FCF1: variants seen among roughly 807,000 people sequenced by gnomAD.
FCF1 encodes FCF1 rRNA-processing protein.
FCF1 carries 17 observed loss-of-function variants against 32.5 expected under a neutral mutation model. The observed-to-expected ratio is 0.52, with a 90% CI of 0.36 to 0.78. The LOEUF is 0.78. FCF1 is among the 30% of genes least tolerant of loss of function. The probability of loss-of-function intolerance (pLI) is 0.00; values close to 1 mark genes in which losing one functional copy is unlikely to be tolerated. For missense variants in FCF1, 201 were observed against 241.1 expected (o/e 0.83, Z 1.10); for synonymous variants, 84 against 78.4 (o/e 1.07, Z -0.38).
In FCF1 at chr14:74,735,968, C is replaced by T. The variant is rs2090702658; in HGVS notation, c.*1038C>T. ...CCAGGCTGGAGTGCAGTGGCGCAAT[C>T]TCGGCTCATTGCAACCTCCGCCTCC... On this transcript the variant is annotated 3_prime_UTR_variant, in exon 8 of 8. Transcript: ENST00000341162. The T allele has an allele frequency of 6.5e-6, 1 of 153,266 alleles. No homozygotes were observed. The highest frequency in any genetic ancestry group is 2.4e-5 in the African/African-American group (1 of 41,344). The allele number at this position is 153,266 out of a possible 1,614,324, so 9.5% of individuals were successfully genotyped here.
At chr14:74,715,841 G>T in intron 3 of FCF1, 110 bp from the exon 4 acceptor site, 1 of 1,607,690 alleles carries the variant, frequency 6.2e-7, no homozygotes, top group South Asian at 1.1e-5. Flanking sequence ...CAATGAACAT[G>T]GACAAAAGAG....
At chr14:74,729,857 T>TTTGA (rs2090611905) in intron 5 of FCF1, among the ~76,000 whole-genome samples, 2 of 152,218 alleles carry the variant, frequency 1.3e-5, no homozygotes, top group African/African-American at 4.8e-5. Context: ...CATTTCGTTA[T>TTTGA]GTACCCAGTA....
intron 4 of FCF1, 45 bp downstream of exon 4, chr14:74,716,144 ATTATAT>A (rs753898839): frequency 6.4e-7 from 1 of 1,570,228 alleles, no homozygotes; most frequent in Non-Finnish European, 8.8e-7. Context: ...GTTCAGAATA[ATTATAT>A]TTATACAAAT....
rs1482226150 is a variant in FCF1 at position 74,737,689 on chromosome 14, G to A, written c.*2759G>A. 1 of 151,776 alleles carries A rather than the reference G, an allele frequency of 6.6e-6. No homozygotes were observed. The highest frequency in any genetic ancestry group is 2.4e-5 in the African/African-American group (1 of 41,344). The allele number at this position is 151,776 out of a possible 1,614,324, so 9.4% of individuals were successfully genotyped here. On this transcript the variant is annotated 3_prime_UTR_variant, in exon 8 of 8. Transcript: ENST00000341162. ...ACAATGGCAAGGTGGCTATCCATTT[G>A]AAAAAAAATTAGGCCGGGCGTGGTG...
At chr14:74,715,624 T>C (rs1214229334) in intron 3 of FCF1, 1 of 391,218 alleles carries the variant, frequency 2.6e-6, no homozygotes, top group Admixed American at 3.9e-5. Flanking sequence ...GTTGTATCAT[T>C]CTAATCACGA....
chr14:74,715,149 G>A (rs1234021221), intron 3 of FCF1, among the ~76,000 whole-genome samples: 1 of 152,080 alleles, frequency 6.6e-6, no homozygotes, highest in Admixed American at 6.6e-5. Context: ...CTAAAATCCT[G>A]GAGATATTAT....
chr14:74,714,756 A>G (rs888745309), intron 2 of FCF1, 116 bp from the exon 3 acceptor site: 3 of 1,355,722 alleles, frequency 2.2e-6, no homozygotes, highest in Non-Finnish European at 3.0e-6. Context: ...GGATATCACA[A>G]AGTAGGATTT....
At chr14:74,724,583 A>G (rs1304941278) in intron 5 of FCF1, among the ~76,000 whole-genome samples, 2 of 151,940 alleles carry the variant, frequency 1.3e-5, no homozygotes, top group Non-Finnish European at 2.9e-5. Context: ...ACCACACCCA[A>G]CCCCCGAGTA....
rs756280862 is a variant in FCF1 at position 74,734,222 on chromosome 14, T to G, written c.548+52T>G. The G allele has an allele frequency of 3.8e-6, 4 of 1,039,708 alleles. No individual in the cohort carries two copies. The Admixed American group carries it at 7.2e-5, about 19-fold the overall frequency. 64.4% of individuals were successfully genotyped at this position (1,039,708 alleles called of 1,614,324 possible). Reference sequence around the variant, plus strand: ...ATAGAAATATATAATTGATATCAATTGAAAATGAGGATAAGTGATAAGGTT... The same window carrying G: ...ATAGAAATATATAATTGATATCAATGGAAAATGAGGATAAGTGATAAGGTT... On this transcript the variant is annotated intron_variant, in intron 7 of 7. Coordinates refer to ENST00000341162, the MANE Select transcript of FCF1 (RefSeq NM_015962.5).
intron 4 of FCF1, among the ~76,000 whole-genome samples, chr14:74,721,470 G>A (rs2090502597): frequency 6.6e-6 from 1 of 152,150 alleles, no homozygotes; most frequent in Non-Finnish European, 1.5e-5. Flanking sequence ...GGAGTTCGAG[G>A]CAGGTGGATT....
chr14:74,718,394 C>G (rs2090450690), intron 4 of FCF1, among the ~76,000 whole-genome samples: 1 of 152,106 alleles, frequency 6.6e-6, no homozygotes, highest in Non-Finnish European at 1.5e-5. Flanking sequence ...AGTTGCAAGC[C>G]TTTGCTCACT....
In FCF1 at chr14:74,735,137, T is replaced by TG; in HGVS notation, c.*208dup. ...GAGTTAAGTTACCTTTTAAGCATTT[T>TG]GTGGGGCCGCGGGGGTTGGGGGGAA... On this transcript the variant is annotated 3_prime_UTR_variant, in exon 8 of 8. Coordinates refer to ENST00000341162, the MANE Select transcript of FCF1 (RefSeq NM_015962.5). 2.8e-6 allele frequency: 1 copy of TG among 360,276 alleles called. No individual in the cohort carries two copies. The highest frequency in any genetic ancestry group is 5.1e-6 in the Non-Finnish European group (1 of 194,384). 22.3% of individuals were successfully genotyped at this position (360,276 alleles called of 1,614,324 possible). A position where few individuals can be genotyped will look rare whatever the true frequency, so the allele number is the denominator to read the frequency against.
At chr14:74,714,976 AAACCATAG>A in intron 3 of FCF1, 33 bp downstream of exon 3, 1 of 1,563,450 alleles carries the variant, frequency 6.4e-7, no homozygotes, top group Non-Finnish European at 8.6e-7. Context: ...TTTTCCTTTA[AAACCATAG>A]ACCTCTTAGA....
chr14:74,737,503 T>G lies in FCF1; in HGVS notation c.*2573T>G, dbSNP rs1160439828. ...AGTGTTAGAATACTAATTCCACCAG[T>G]TAATATCTGTATGAGTTGGACAAAC... On this transcript the variant is annotated 3_prime_UTR_variant, in exon 8 of 8. Transcript: ENST00000341162. 6.6e-6 allele frequency: 1 copy of G among 152,234 alleles called. No homozygotes were observed. The highest frequency in any genetic ancestry group is 1.5e-5 in the Non-Finnish European group (1 of 68,046). 9.4% of individuals were successfully genotyped at this position (152,234 alleles called of 1,614,324 possible). A position where few individuals can be genotyped will look rare whatever the true frequency, so the allele number is the denominator to read the frequency against.
chr14:74,731,490 T>A (rs2090636707), intron 5 of FCF1, among the ~76,000 whole-genome samples: 1 of 152,188 alleles, frequency 6.6e-6, no homozygotes, highest in Non-Finnish European at 1.5e-5. Context: ...TTTGTTCTTA[T>A]CACTTTGTCC....
chr14:74,726,603 C>CT (rs58398533), intron 5 of FCF1, among the ~76,000 whole-genome samples: 399 of 144,154 alleles, frequency 2.8e-3, no homozygotes, highest in African/African-American at 3.0e-3. Flanking sequence ...ACCCCCATCT[C>CT]TTTTTTTTTT....
At chr14:74,733,646 A>G (rs1283762083) in intron 6 of FCF1, among the ~76,000 whole-genome samples, 1 of 152,176 alleles carries the variant, frequency 6.6e-6, no homozygotes, top group African/African-American at 2.4e-5. Flanking sequence ...TAACATCAGT[A>G]GGCCCAGAGC....
intron 5 of FCF1, among the ~76,000 whole-genome samples, chr14:74,725,041 A>G (rs1454182540): frequency 1.3e-5 from 2 of 151,768 alleles, no homozygotes; most frequent in Non-Finnish European, 2.9e-5. Context: ...TACGCTAGAT[A>G]AAATCTATCT....
chr14:74,728,500 T>A lies in FCF1; in HGVS notation c.366-4231T>A, dbSNP rs566776859. On this transcript the variant is annotated intron_variant, in intron 5 of 7. Transcript: ENST00000341162. ...GTTGCTTATCAGCTTAAGGAGATTT[T>A]GGGCTGAGACAATGGGGTTTTCTAG... 3.9e-5 allele frequency among the ~76,000 whole-genome samples: 6 copies of A among 152,350 alleles called. No individual in the cohort carries two copies. In the South Asian group the frequency reaches 1.0e-3, roughly 26 times the overall value.
Sources: allele counts gnomAD v4.1 joint callset (sites outside exome capture counted in the v4.1 genomes callset), GRCh38; gene constraint gnomAD v4.1.1; transcripts MANE v1.5; gene names NCBI Gene and HGNC (gene_info 2026-07-23, HGNC 2026-07-21).